SMYD3: variants seen among roughly 807,000 people sequenced by gnomAD.
SMYD3 encodes histone-lysine N-methyltransferase SMYD3.
In SMYD3, 36 loss-of-function variants were observed where a neutral mutation model predicts 57.7. The observed-to-expected ratio is 0.62, with a 90% confidence interval of 0.48 to 0.82. The LOEUF is 0.82. Ranked by LOEUF, SMYD3 falls within the 40% of genes least tolerant of loss-of-function variation. The pLI is 0.00. For missense variants in SMYD3, 515 were observed against 538.8 expected (o/e 0.96, Z 0.44); for synonymous variants, 211 against 195.0 (o/e 1.08, Z -0.68).
chr1:246,195,063 A>G (rs767702216), intron 5 of SMYD3, among the ~76,000 whole-genome samples: 4 of 152,190 alleles, frequency 2.6e-5, no homozygotes, highest in Non-Finnish European at 5.9e-5. Context: ...ACCTCTCTTG[A>G]ATGTCTGGCA....
intron 10 of SMYD3, among the ~76,000 whole-genome samples, chr1:245,810,775 CTTTTCAAAGAAT>C (rs2048422178): frequency 8.2e-5 from 1 of 12,194 alleles, no homozygotes; most frequent in African/African-American, 1.0e-4. Context: ...GAAAGACGCA[CTTTTCAAAGAAT>C]TCCCCAACAG....
At chr1:245,953,423 G>C in intron 5 of SMYD3, 1 of 872,016 alleles carries the variant, frequency 1.1e-6, no homozygotes, top group Non-Finnish European at 1.4e-6. Context: ...GGTTCAGTTT[G>C]TTTTGTTTTG....
intron 10 of SMYD3, among the ~76,000 whole-genome samples, chr1:245,824,471 C>G (rs577127901): frequency 6.6e-6 from 1 of 152,334 alleles, no homozygotes; most frequent in East Asian, 1.9e-4. Flanking sequence ...AATCCCAGCA[C>G]TTTGGGAGGC....
At chr1:245,773,330 T>C (rs1375212967) in intron 10 of SMYD3, among the ~76,000 whole-genome samples, 2 of 152,324 alleles carry the variant, frequency 1.3e-5, no homozygotes, top group East Asian at 3.9e-4. Flanking sequence ...CATCCAATAA[T>C]GAACCAAACT....
In SMYD3 at chr1:245,850,517, C is replaced by T. The variant is rs115866515; in HGVS notation, c.1076+7979G>A. Among the ~76,000 whole-genome samples, 1,015 of 152,134 alleles carry T rather than the reference C, an allele frequency of 6.7e-3. 11 individuals are homozygous for T. Among genetic ancestry groups the T allele is most frequent in the African/African-American group, 0.023 (940 of 41,514 alleles). On this transcript the variant is annotated intron_variant, in intron 10 of 11. Coordinates refer to ENST00000490107, the MANE Select transcript of SMYD3 (RefSeq NM_001167740.2). Reference sequence around the variant, plus strand: ...GACTAGCCTGGGCAACATTACAAGACCCTGCCTCTACAAAAAAAAATTTCT... The same window carrying T: ...GACTAGCCTGGGCAACATTACAAGATCCTGCCTCTACAAAAAAAAATTTCT...
chr1:246,147,192 C>T (rs1484296788), intron 5 of SMYD3, among the ~76,000 whole-genome samples: 1 of 149,734 alleles, frequency 6.7e-6, no homozygotes, highest in African/African-American at 2.4e-5. Flanking sequence ...CCGGCAAACC[C>T]TAGGGGAAGG....
At chr1:245,982,898 C>T (rs976772053) in intron 5 of SMYD3, among the ~76,000 whole-genome samples, 17 of 152,170 alleles carry the variant, frequency 1.1e-4, no homozygotes, top group African/African-American at 3.6e-4. Flanking sequence ...ACTTGCAAAG[C>T]GGTTCAAATT....
intron 8 of SMYD3, among the ~76,000 whole-genome samples, chr1:245,907,506 T>G (rs1007162507): frequency 1.1e-4 from 16 of 152,140 alleles, no homozygotes; most frequent in African/African-American, 3.9e-4. Context: ...GGACAATATT[T>G]GCCATCATGA....
chr1:245,871,638 A>G (rs2052198939), intron 8 of SMYD3, among the ~76,000 whole-genome samples: 1 of 152,220 alleles, frequency 6.6e-6, no homozygotes, highest in Non-Finnish European at 1.5e-5. Context: ...GAGCCATAAG[A>G]TGTGGAACTG....
At chr1:246,506,779 T>C (rs943519628) in intron 1 of SMYD3, among the ~76,000 whole-genome samples, 6 of 152,140 alleles carry the variant, frequency 3.9e-5, no homozygotes, top group African/African-American at 7.2e-5. Flanking sequence ...GTCTGCCCAA[T>C]GGCTTTCCCA....
At chr1:246,061,865 T>C (rs1050996871) in intron 5 of SMYD3, among the ~76,000 whole-genome samples, 3 of 152,198 alleles carry the variant, frequency 2.0e-5, no homozygotes, top group African/African-American at 7.2e-5. Flanking sequence ...AAGACGTGCA[T>C]TGCCTGATCA....
At chr1:245,917,814 T>C (rs189737511) in intron 7 of SMYD3, among the ~76,000 whole-genome samples, 88 of 152,304 alleles carry the variant, frequency 5.8e-4, no homozygotes, top group African/African-American at 1.9e-3. Context: ...GTGAAGACTT[T>C]GGCAGAGCAA....
intron 5 of SMYD3, among the ~76,000 whole-genome samples, chr1:246,007,860 G>C (rs1340805350): frequency 6.6e-6 from 1 of 150,742 alleles, no homozygotes; most frequent in African/African-American, 2.5e-5. Flanking sequence ...ATACTGTGGG[G>C]CAATTTGTAC....
intron 1 of SMYD3, among the ~76,000 whole-genome samples, chr1:246,500,019 G>A (rs1242624532): frequency 6.8e-6 from 1 of 147,070 alleles, no homozygotes; most frequent in African/African-American, 2.5e-5. Context: ...GGACTGTATC[G>A]CTTCTGTTGC....
intron 1 of SMYD3, among the ~76,000 whole-genome samples, chr1:246,449,654 A>C (rs181286293): frequency 3.9e-5 from 6 of 152,262 alleles, no homozygotes; most frequent in Admixed American, 3.9e-4. Flanking sequence ...CCATTTCCTC[A>C]CTGATGTTCT....
chr1:245,916,791 T>C (rs1036264466), intron 7 of SMYD3, among the ~76,000 whole-genome samples: 1 of 152,162 alleles, frequency 6.6e-6, no homozygotes, highest in Admixed American at 6.5e-5. Context: ...ACATAAAATA[T>C]GTCAGATGAC....
chr1:245,936,824 G>A (rs1027231708), intron 5 of SMYD3, among the ~76,000 whole-genome samples: 8 of 149,760 alleles, frequency 5.3e-5, no homozygotes, highest in African/African-American at 9.9e-5. Flanking sequence ...CCATGATCGC[G>A]CCACTGCACT....
At chr1:246,282,642 T>C (rs367997390) in intron 5 of SMYD3, among the ~76,000 whole-genome samples, 1 of 152,150 alleles carries the variant, frequency 6.6e-6, no homozygotes, top group Non-Finnish European at 1.5e-5. Flanking sequence ...CAGATGAAGA[T>C]AAATGAAGCA....
In SMYD3 at chr1:245,791,556, G is replaced by A. The variant is rs73134708; in HGVS notation, c.1077-27407C>T. Among the ~76,000 whole-genome samples the A allele has an allele frequency of 9.9e-3, 1,440 of 146,006 alleles. 26 individuals are homozygous for A. The highest frequency in any genetic ancestry group is 0.035 in the African/African-American group (1,385 of 39,490). ...TCAGCCAGACAGATTATCATTTTCT[G>A]TAAGTAACAAGTTTATCTACCTCTT... On this transcript the variant is annotated intron_variant, in intron 10 of 11. Coordinates refer to ENST00000490107, the MANE Select transcript of SMYD3 (RefSeq NM_001167740.2).
Sources: allele counts gnomAD v4.1 joint callset (sites outside exome capture counted in the v4.1 genomes callset), GRCh38; gene constraint gnomAD v4.1.1; transcripts MANE v1.5; gene names NCBI Gene and HGNC (gene_info 2026-07-23, HGNC 2026-07-21).